The following SNX29 variants were observed in gnomAD, a reference collection of about 807,000 sequenced individuals.
SNX29 encodes the protein sorting nexin-29.
Under a neutral mutation model 102.1 loss-of-function variants are expected in SNX29, and 78 were observed. The observed-to-expected ratio is 0.76, with a 90% CI of 0.64 to 0.92. SNX29 has a LOEUF of 0.92. SNX29 is among the 40% of genes least tolerant of loss of function. The pLI, the probability that SNX29 is intolerant of heterozygous loss-of-function variation, is 0.00. For missense variants in SNX29, 1,280 were observed against 1,061.7 expected (o/e 1.21, Z -2.86); for synonymous variants, 580 against 414.5 (o/e 1.40, Z -4.85).
rs758471786 is a variant in SNX29 at position 12,212,940 on chromosome 16, C to T, written c.1678+13257C>T. Among the ~76,000 whole-genome samples the T allele has an allele frequency of 1.4e-3, 214 of 152,212 alleles. 1 individual carries two copies. Among genetic ancestry groups the T allele is most frequent in the Non-Finnish European group, 2.7e-3 (183 of 68,008 alleles). Reference sequence around the variant, plus strand: ...ACGAGCCTGGCCAATATAGTGAAACCCCATCTCTACTAAAAATACAAAAAT... The same window carrying T: ...ACGAGCCTGGCCAATATAGTGAAACTCCATCTCTACTAAAAATACAAAAAT... On this transcript the variant is annotated intron_variant, in intron 14 of 20. Transcript: ENST00000566228.
chr16:12,572,528 C>G lies in SNX29; in HGVS notation c.*3899C>G, dbSNP rs1224977878. The G allele has an allele frequency of 2.8e-6, 3 of 1,063,778 alleles. No individual in the cohort carries two copies. The highest frequency in any genetic ancestry group is 3.4e-6 in the Non-Finnish European group (3 of 878,584). The allele number at this position is 1,063,778 out of a possible 1,614,324, so 65.9% of individuals were successfully genotyped here. A position where few individuals can be genotyped will look rare whatever the true frequency, so the allele number is the denominator to read the frequency against. On this transcript the variant is annotated 3_prime_UTR_variant, in exon 21 of 21. Transcript: ENST00000566228. ...TTCCTGCTCCACGTGCTCAAGCCCCCACAGGGGGCTGCGACACCATCTGGC... is the reference window on the plus strand; with the variant it reads ...TTCCTGCTCCACGTGCTCAAGCCCCGACAGGGGGCTGCGACACCATCTGGC...
At chr16:12,443,904 C>G (rs1328874035) in intron 18 of SNX29, among the ~76,000 whole-genome samples, 4 of 152,198 alleles carry the variant, frequency 2.6e-5, no homozygotes, top group African/African-American at 9.7e-5. Flanking sequence ...TGTGAGCATT[C>G]GAAACTTGCA....
intron 9 of SNX29, among the ~76,000 whole-genome samples, chr16:12,065,741 G>T (rs551855025): frequency 6.6e-6 from 1 of 152,126 alleles, no homozygotes; most frequent in African/African-American, 2.4e-5. Flanking sequence ...TACGGGTTGT[G>T]TGCTGTTTGG....
intron 3 of SNX29, among the ~76,000 whole-genome samples, chr16:12,023,803 G>A (rs934304118): frequency 6.6e-6 from 1 of 152,150 alleles, no homozygotes; most frequent in Non-Finnish European, 1.5e-5. Context: ...GTAGATTCCT[G>A]TGCTTGGACA....
chr16:12,549,404 A>G (rs544350977), intron 20 of SNX29, among the ~76,000 whole-genome samples: 8 of 152,228 alleles, frequency 5.3e-5, no homozygotes, highest in Non-Finnish European at 1.2e-4. Context: ...CTGAGGCAGG[A>G]GAATCTCTTG....
In SNX29 at chr16:12,013,500, A is replaced by AAAAT; in HGVS notation, c.122+10458_122+10459insAATA. On this transcript the variant is annotated intron_variant, in intron 3 of 20. Coordinates refer to ENST00000566228, the MANE Select transcript of SNX29 (RefSeq NM_032167.5). ...GTCTCTACTGGGGGAAAAAAAAAAA[A>AAAAT]ATATATATATATATATATATATATA... Among the ~76,000 whole-genome samples, 44 of 31,606 alleles carry AAAAT rather than the reference A, an allele frequency of 1.4e-3. 1 individual carries two copies. The highest frequency in any genetic ancestry group is 3.7e-3 in the East Asian group (2 of 534). 20.7% of individuals were successfully genotyped at this position (31,606 alleles called of 152,430 possible).
intron 13 of SNX29, among the ~76,000 whole-genome samples, chr16:12,187,786 T>C (rs1339813488): frequency 2.6e-5 from 4 of 152,172 alleles, no homozygotes; most frequent in Non-Finnish European, 5.9e-5. Flanking sequence ...AGTTGTCACA[T>C]TGGTACATTA....
chr16:12,550,484 G>A (rs902576542), intron 20 of SNX29, among the ~76,000 whole-genome samples: 9 of 146,492 alleles, frequency 6.1e-5, no homozygotes, highest in South Asian at 4.4e-4. Context: ...GGAGTGAGCT[G>A]ACATTGTGTC....
chr16:12,252,261 C>A (rs1327367634), intron 14 of SNX29, among the ~76,000 whole-genome samples: 2 of 152,240 alleles, frequency 1.3e-5, no homozygotes, highest in East Asian at 1.9e-4. Context: ...CTTCCTCTTC[C>A]TCTATCCTCC....
chr16:11,998,957 A>C (rs10163386), intron 1 of SNX29, among the ~76,000 whole-genome samples: 51,035 of 152,084 alleles, frequency 0.34, 9,554 homozygotes, highest in Non-Finnish European at 0.43. Flanking sequence ...TTGGCATTAC[A>C]TGGAGACATT....
intron 16 of SNX29, among the ~76,000 whole-genome samples, chr16:12,382,372 C>T (rs766699396): frequency 2.0e-5 from 3 of 152,166 alleles, no homozygotes; most frequent in South Asian, 2.1e-4. Flanking sequence ...TAACCTAGTG[C>T]GTGGACTCTG....
intron 20 of SNX29, among the ~76,000 whole-genome samples, chr16:12,549,209 G>T (rs971887215): frequency 3.3e-5 from 5 of 152,172 alleles, no homozygotes; most frequent in South Asian, 2.1e-4. Flanking sequence ...CACGATGCTT[G>T]TGTCTGCCAG....
chr16:12,038,865 C>G (rs1272173711), intron 4 of SNX29: 1 of 152,350 alleles, frequency 6.6e-6, no homozygotes, highest in African/African-American at 2.4e-5. Context: ...TGTTGGCCAG[C>G]TGGCCCAGGG....
At chr16:12,057,855 T>C (rs1171204822) in intron 8 of SNX29, among the ~76,000 whole-genome samples, 2 of 151,368 alleles carry the variant, frequency 1.3e-5, no homozygotes, top group Non-Finnish European at 2.9e-5. Flanking sequence ...TCTCGCTCTG[T>C]CACTCAGGCT....
intron 11 of SNX29, among the ~76,000 whole-genome samples, chr16:12,120,657 C>T (rs1307124876): frequency 2.0e-5 from 3 of 152,320 alleles, no homozygotes; most frequent in African/African-American, 4.8e-5. Flanking sequence ...TGTGCGTCAT[C>T]TGGCTGTGTG....
intron 9 of SNX29, among the ~76,000 whole-genome samples, chr16:12,062,309 G>A (rs1162588727): frequency 8.6e-5 from 13 of 151,714 alleles, no homozygotes; most frequent in African/African-American, 2.9e-4. Context: ...AACCCGGGAG[G>A]TGGAGGTTGC....
At chr16:12,063,558 T>A (rs1000381367) in intron 9 of SNX29, among the ~76,000 whole-genome samples, 1 of 151,942 alleles carries the variant, frequency 6.6e-6, no homozygotes, top group Non-Finnish European at 1.5e-5. Context: ...TTTGTATTTT[T>A]AGTAGAGATG....
At chr16:12,236,205 A>G (rs533912755) in intron 14 of SNX29, among the ~76,000 whole-genome samples, 2 of 152,258 alleles carry the variant, frequency 1.3e-5, no homozygotes, top group South Asian at 2.1e-4. Context: ...CAGTTAATAC[A>G]TCATCTGGTT....
At chr16:12,038,712 T>G (rs1387244271) in intron 4 of SNX29, 1 of 152,142 alleles carries the variant, frequency 6.6e-6, no homozygotes, top group Non-Finnish European at 1.5e-5. Flanking sequence ...AATTGAAAGG[T>G]GAAAACACAC....
Sources: allele counts gnomAD v4.1 joint callset (sites outside exome capture counted in the v4.1 genomes callset), GRCh38; gene constraint gnomAD v4.1.1; transcripts MANE v1.5; gene names NCBI Gene and HGNC (gene_info 2026-07-23, HGNC 2026-07-21).